The following SLC24A3 variants were observed in gnomAD, a reference collection of about 807,000 sequenced individuals.
The protein encoded by SLC24A3 is sodium/potassium/calcium exchanger 3.
SLC24A3 carries 28 observed loss-of-function variants against 75.8 expected under a neutral mutation model. The ratio of observed to expected loss-of-function variants is 0.37; its 90% CI spans 0.27 to 0.51. The LOEUF (loss-of-function observed/expected upper bound fraction) is 0.51. Among genes scored for constraint, SLC24A3 ranks in the 20% least tolerant of loss-of-function variants. SLC24A3 has a pLI of 0.94. For missense variants in SLC24A3, 663 were observed against 847.8 expected (o/e 0.78, Z 2.71); for synonymous variants, 372 against 334.1 (o/e 1.11, Z -1.24).
chr20:19,333,262 C>G (rs1038905544), intron 2 of SLC24A3, among the ~76,000 whole-genome samples: 1 of 152,184 alleles, frequency 6.6e-6, no homozygotes, highest in African/African-American at 2.4e-5. Context: ...TGTGGTCAGA[C>G]ATTCAGTTGG....
intron 6 of SLC24A3, among the ~76,000 whole-genome samples, chr20:19,609,412 T>A (rs909779690): frequency 1.3e-5 from 2 of 152,308 alleles, no homozygotes; most frequent in Middle Eastern, 3.4e-3. Flanking sequence ...ATTTATTTTT[T>A]AATTTTACTT....
chr20:19,681,893 G>A lies in SLC24A3; in HGVS notation c.803G>A (p.Arg268Lys). The A allele has an allele frequency of 1.9e-6, 3 of 1,614,122 alleles. No individual in the cohort carries two copies. Among genetic ancestry groups the A allele is most frequent in the Non-Finnish European group, 2.5e-6 (3 of 1,180,030 alleles). Reference protein sequence around the residue: ...NACIHQCFERRTKGAGNMVNG... With the variant: ...NACIHQCFERKTKGAGNMVNG... ...TGCATACATCAGTGCTTTGAGAGGAGGACAAAAGGTGCCGGGAACATGGTC... is the reference window on the plus strand; with the variant it reads ...TGCATACATCAGTGCTTTGAGAGGAAGACAAAAGGTGCCGGGAACATGGTC... Residue 268 changes from arginine (R) to lysine (K), a missense_variant, in exon 10 of 17, where the codon AGG becomes AAG. By Grantham distance (26) the Arg-to-Lys change is conservative (BLOSUM62 2). Coordinates refer to ENST00000328041, the MANE Select transcript of SLC24A3 (RefSeq NM_020689.4).
intron 3 of SLC24A3, among the ~76,000 whole-genome samples, chr20:19,548,861 C>A (rs570815819): frequency 6.6e-6 from 1 of 152,338 alleles, no homozygotes; most frequent in South Asian, 2.1e-4. Flanking sequence ...TTCTGCCTAC[C>A]ACAAATGCCT....
At chr20:19,325,777 C>CATATATATATATATATATAT (rs1164485509) in intron 2 of SLC24A3, among the ~76,000 whole-genome samples, 3 of 58,404 alleles carry the variant, frequency 5.1e-5, no homozygotes, top group Admixed American at 2.2e-4. Context: ...TATATATATA[C>CATATATATATATATATATAT]ATATATATAT....
At chr20:19,426,977 A>G (rs1435433440) in intron 2 of SLC24A3, among the ~76,000 whole-genome samples, 3 of 152,234 alleles carry the variant, frequency 2.0e-5, no homozygotes, top group African/African-American at 7.2e-5. Flanking sequence ...AAGGGGAAGC[A>G]GGCAGTTTGG....
At chr20:19,365,073 G>A (rs117955258) in intron 2 of SLC24A3, among the ~76,000 whole-genome samples, 1,690 of 152,212 alleles carry the variant, frequency 0.011, 19 homozygotes, top group Non-Finnish European at 0.014. Context: ...ACTCCATAGA[G>A]CCATGCAGCT....
chr20:19,637,595 A>G (rs1000275597), intron 6 of SLC24A3, among the ~76,000 whole-genome samples: 1 of 152,230 alleles, frequency 6.6e-6, no homozygotes, highest in Non-Finnish European at 1.5e-5. Context: ...ACTGGTAGTA[A>G]TAATATAACT....
intron 1 of SLC24A3, among the ~76,000 whole-genome samples, chr20:19,226,061 A>G (rs542727841): frequency 1.3e-5 from 2 of 152,264 alleles, no homozygotes; most frequent in South Asian, 2.1e-4. Context: ...TAGGTTTTTC[A>G]TAGATTGCCT....
rs1709897127 is a variant in SLC24A3, at chr20:19,212,749, G to C, written c.-94G>C. 2 of 940,918 alleles carry C rather than the reference G, an allele frequency of 2.1e-6. No homozygotes were observed. Among genetic ancestry groups the C allele is most frequent in the Admixed American group, 6.4e-5 (1 of 15,672 alleles). 58.3% of individuals were successfully genotyped at this position (940,918 alleles called of 1,614,324 possible). On this transcript the variant is annotated 5_prime_UTR_variant, in exon 1 of 17. Coordinates refer to ENST00000328041, the MANE Select transcript of SLC24A3 (RefSeq NM_020689.4). ...AGCGCAGCGAGGACGCGCGGCTGCT[G>C]CGCGCAGGGCTGCCTCCTGCCGCTG...
Position 19,593,328 on chromosome 20 carries a change from A to T in SLC24A3, c.612+7784A>T, listed in dbSNP as rs562399841. Among the ~76,000 whole-genome samples, 94 of 152,294 alleles carry T rather than the reference A, an allele frequency of 6.2e-4. 1 individual carries two copies. Among genetic ancestry groups the T allele is most frequent in the African/African-American group, 2.2e-3 (90 of 41,574 alleles). On this transcript the variant is annotated intron_variant, in intron 6 of 16. Coordinates refer to ENST00000328041, the MANE Select transcript of SLC24A3 (RefSeq NM_020689.4). ...CACCCCTTAGCAAAATCACAGAAGG[A>T]GGTAGAGACTGGGCATCCAGGCCCC...
At chr20:19,514,687 G>T (rs763066027) in intron 2 of SLC24A3, among the ~76,000 whole-genome samples, 4 of 152,202 alleles carry the variant, frequency 2.6e-5, no homozygotes, top group Non-Finnish European at 5.9e-5. Flanking sequence ...TTTATGAGAG[G>T]AAGGGACAGG....
chr20:19,376,484 G>A (rs1233827519), intron 2 of SLC24A3, among the ~76,000 whole-genome samples: 3 of 152,206 alleles, frequency 2.0e-5, no homozygotes, highest in African/African-American at 4.8e-5. Flanking sequence ...GTACCGTAGC[G>A]TGGATAATCG....
intron 2 of SLC24A3, among the ~76,000 whole-genome samples, chr20:19,467,236 A>G (rs1213802249): frequency 6.6e-6 from 1 of 152,184 alleles, no homozygotes; most frequent in African/African-American, 2.4e-5. Flanking sequence ...GATAGAAGAG[A>G]GCAGATGTGC....
chr20:19,361,865 T>C (rs1985797391), intron 2 of SLC24A3, among the ~76,000 whole-genome samples: 1 of 152,236 alleles, frequency 6.6e-6, no homozygotes, highest in Admixed American at 6.5e-5. Flanking sequence ...CTTAAAATTT[T>C]CCTAATAAAA....
At chr20:19,466,842 A>G (rs1987774035) in intron 2 of SLC24A3, among the ~76,000 whole-genome samples, 1 of 152,158 alleles carries the variant, frequency 6.6e-6, no homozygotes, top group Middle Eastern at 3.4e-3. Flanking sequence ...AGATGAAAAG[A>G]CCTCCCACTC....
chr20:19,281,964 T>C (rs975537834), intron 2 of SLC24A3, among the ~76,000 whole-genome samples: 4 of 152,330 alleles, frequency 2.6e-5, no homozygotes, highest in African/African-American at 9.6e-5. Flanking sequence ...CGAAGCTCTC[T>C]GGGGCTTTCT....
intron 2 of SLC24A3, among the ~76,000 whole-genome samples, chr20:19,372,158 A>C (rs1986003923): frequency 6.6e-6 from 1 of 152,220 alleles, no homozygotes. Flanking sequence ...CTTAGAAGTC[A>C]ACATGGTGGA....
rs1003521959 is a variant in SLC24A3 at position 19,252,644 on chromosome 20, G to GGT, written c.143-28314_143-28313insTG. 5.1e-5 allele frequency among the ~76,000 whole-genome samples: 3 copies of GGT among 59,332 alleles called. 1 individual carries two copies. The highest frequency in any genetic ancestry group is 1.7e-3 in the East Asian group (1 of 580). The allele number at this position is 59,332 out of a possible 152,430, so 38.9% of individuals were successfully genotyped here. On this transcript the variant is annotated intron_variant, in intron 1 of 16. Transcript: ENST00000328041. The stretch of plus-strand genomic sequence containing the variant: ...ACAAAAAGCCTGAAATTGGAATGGC[G>GGT]GGGGGGGGTGCCTGTTCCAGAAACT...
At chr20:19,713,923 C>T (rs1240897115) in intron 15 of SLC24A3, among the ~76,000 whole-genome samples, 1 of 152,152 alleles carries the variant, frequency 6.6e-6, no homozygotes, top group African/African-American at 2.4e-5. Flanking sequence ...GAAGTTAGCT[C>T]TGGAGTCCAT....
Sources: gnomAD v4.1 joint callset for allele counts (sites outside exome capture counted in the v4.1 genomes callset) on GRCh38, gnomAD v4.1.1 for gene constraint, MANE v1.5 for transcripts, NCBI Gene and HGNC (gene_info 2026-07-23, HGNC 2026-07-21) for gene names.